The following SORCS2 variants were observed in gnomAD, a reference collection of about 807,000 sequenced individuals.
The protein encoded by SORCS2 is sortilin related VPS10 domain containing receptor 2.
A neutral mutation model predicts 141.6 loss-of-function variants in SORCS2; 100 were observed. The ratio of observed to expected loss-of-function variants is 0.71; its 90% confidence interval spans 0.60 to 0.83. SORCS2 has a LOEUF of 0.83. Among genes scored for constraint, SORCS2 ranks in the 40% least tolerant of loss-of-function variants. SORCS2 has a pLI of 0.00. For missense variants in SORCS2, 1,646 were observed against 1,560.2 expected (o/e 1.05, Z -0.93); for synonymous variants, 789 against 676.9 (o/e 1.17, Z -2.57).
At chr4:7,279,033 T>A (rs1303814214) in intron 1 of SORCS2, among the ~76,000 whole-genome samples, 1 of 152,084 alleles carries the variant, frequency 6.6e-6, no homozygotes, top group Non-Finnish European at 1.5e-5. Flanking sequence ...TGCAAACGAA[T>A]ACCCCACCCA....
At chr4:7,550,636 C>A (rs1437955905) in intron 3 of SORCS2, among the ~76,000 whole-genome samples, 1 of 152,200 alleles carries the variant, frequency 6.6e-6, no homozygotes, top group Non-Finnish European at 1.5e-5. Context: ...TACAAAGAAC[C>A]CAATGTCTGC....
At chr4:7,723,121 G>A (rs867897027) in intron 18 of SORCS2, among the ~76,000 whole-genome samples, 1 of 152,152 alleles carries the variant, frequency 6.6e-6, no homozygotes, top group Non-Finnish European at 1.5e-5. Flanking sequence ...TGCCACGCGG[G>A]GATGGCAGTT....
chr4:7,202,593 G>A (rs1361178970), intron 1 of SORCS2, among the ~76,000 whole-genome samples: 4 of 152,140 alleles, frequency 2.6e-5, no homozygotes, highest in Admixed American at 2.6e-4. Flanking sequence ...GACTCACACC[G>A]AGCACATTTC....
intron 1 of SORCS2, among the ~76,000 whole-genome samples, chr4:7,281,701 G>A (rs866387630): frequency 6.6e-6 from 1 of 152,196 alleles, no homozygotes; most frequent in Non-Finnish European, 1.5e-5. Context: ...TGGCAGCCTG[G>A]GGGCCGCAGG....
In SORCS2 at chr4:7,314,540, C is replaced by T. The variant is rs185298772; in HGVS notation, c.481-81748C>T. Among the ~76,000 whole-genome samples, 546 of 152,054 alleles carry T rather than the reference C, an allele frequency of 3.6e-3. 2 individuals carry two copies. The highest frequency in any genetic ancestry group is 0.013 in the African/African-American group (522 of 41,486). ...ATTTTTAGTGGAGATGGGGTTTCAC[C>T]GTGTTAGCCAGGATGTTCTCCATCT... On this transcript the variant is annotated intron_variant, in intron 1 of 26. Coordinates refer to ENST00000507866, the MANE Select transcript of SORCS2 (RefSeq NM_020777.3).
chr4:7,478,923 G>T (rs1202512053), intron 2 of SORCS2, among the ~76,000 whole-genome samples: 1 of 152,180 alleles, frequency 6.6e-6, no homozygotes. Context: ...AGCCTCCGTG[G>T]CCTGGTTTCT....
intron 3 of SORCS2, among the ~76,000 whole-genome samples, chr4:7,600,930 G>A (rs568984751): frequency 6.6e-6 from 1 of 152,270 alleles, no homozygotes; most frequent in African/African-American, 2.4e-5. Context: ...TAACAGCCCA[G>A]GCTGGTGGGC....
chr4:7,443,445 C>T (rs144706283), intron 2 of SORCS2, among the ~76,000 whole-genome samples: 2,179 of 152,284 alleles, frequency 0.014, 21 homozygotes, highest in Middle Eastern at 0.031. Flanking sequence ...AGCCTCAACC[C>T]CCTGAGATCA....
At chr4:7,723,173 G>A (rs1246930150) in intron 18 of SORCS2, among the ~76,000 whole-genome samples, 1 of 152,164 alleles carries the variant, frequency 6.6e-6, no homozygotes, top group Admixed American at 6.5e-5. Flanking sequence ...CCATCTCAGC[G>A]TCACTCCTGG....
rs533405717 is a variant in SORCS2 at position 7,518,811 on chromosome 4, C to G, written c.549-12719C>G. Among the ~76,000 whole-genome samples the G allele has an allele frequency of 1.4e-3, 214 of 152,316 alleles. 2 individuals are homozygous for G. Among genetic ancestry groups the G allele is most frequent in the African/African-American group, 5.0e-3 (209 of 41,566 alleles). On this transcript the variant is annotated intron_variant, in intron 2 of 26. Transcript: ENST00000507866. ...CCTGGCCATAAACTCAGCCTGCCCC[C>G]CCGGCCCCCCATCAAACGCAGCTTC...
rs1175611291 is a variant in SORCS2, at chr4:7,742,441, C to T, written c.*2177C>T. On this transcript the variant is annotated 3_prime_UTR_variant, in exon 27 of 27. Coordinates refer to ENST00000507866, the MANE Select transcript of SORCS2 (RefSeq NM_020777.3). ...ACTCTAGGTCGTTGGCCTTCCTTGACCACTCCATTTAATTCTCTCTGCTGT... is the reference window on the plus strand; with the variant it reads ...ACTCTAGGTCGTTGGCCTTCCTTGATCACTCCATTTAATTCTCTCTGCTGT... The T allele has an allele frequency of 6.6e-6, 1 of 152,286 alleles. No individual in the cohort carries two copies. Among genetic ancestry groups the T allele is most frequent in the Non-Finnish European group, 1.5e-5 (1 of 68,080 alleles). 9.4% of individuals were successfully genotyped at this position (152,286 alleles called of 1,614,324 possible).
In SORCS2 at chr4:7,741,270, A is replaced by C. The variant is rs1350913807; in HGVS notation, c.*1006A>C. On this transcript the variant is annotated 3_prime_UTR_variant, in exon 27 of 27. Transcript: ENST00000507866. ...CAGGGCTGGAAGGGCCATCAGCGTG[A>C]CCCTCATTTTCAAGAAGGGGAAACT... The C allele has an allele frequency of 3.5e-5, 14 of 398,746 alleles. No homozygotes were observed. The highest frequency in any genetic ancestry group is 5.7e-5 in the Non-Finnish European group (13 of 226,116). The allele number at this position is 398,746 out of a possible 1,614,324, so 24.7% of individuals were successfully genotyped here.
At chr4:7,483,959 A>G (rs1225624577) in intron 2 of SORCS2, among the ~76,000 whole-genome samples, 1 of 152,364 alleles carries the variant, frequency 6.6e-6, no homozygotes, top group East Asian at 1.9e-4. Context: ...CGAGTCTTTC[A>G]GAAAGTAGCC....
intron 3 of SORCS2, among the ~76,000 whole-genome samples, chr4:7,587,210 C>G (rs1303867469): frequency 6.6e-6 from 1 of 151,938 alleles, no homozygotes; most frequent in Non-Finnish European, 1.5e-5. Context: ...TGGTGCCAGT[C>G]TGGATTAGAA....
chr4:7,232,254 G>A (rs1343322886), intron 1 of SORCS2, among the ~76,000 whole-genome samples: 2 of 152,140 alleles, frequency 1.3e-5, no homozygotes, highest in Non-Finnish European at 2.9e-5. Context: ...GGGGAAAGCT[G>A]CCTGGTGGCC....
intron 2 of SORCS2, among the ~76,000 whole-genome samples, chr4:7,470,887 A>G (rs779781163): frequency 6.6e-6 from 1 of 152,182 alleles, no homozygotes; most frequent in Non-Finnish European, 1.5e-5. Flanking sequence ...CTCTGCAAAC[A>G]TCTCACGCTT....
intron 3 of SORCS2, among the ~76,000 whole-genome samples, chr4:7,561,955 C>G (rs1714621909): frequency 6.6e-6 from 1 of 152,166 alleles, no homozygotes; most frequent in African/African-American, 2.4e-5. Context: ...ACCTCTTAAT[C>G]CATGTATTCA....
At chr4:7,577,944 A>G (rs1365655184) in intron 3 of SORCS2, among the ~76,000 whole-genome samples, 1 of 151,940 alleles carries the variant, frequency 6.6e-6, no homozygotes, top group Admixed American at 6.5e-5. Flanking sequence ...TGGAGAAGTC[A>G]TATAGCATAC....
intron 3 of SORCS2, among the ~76,000 whole-genome samples, chr4:7,603,281 C>T (rs764990876): frequency 6.7e-6 from 1 of 149,120 alleles, no homozygotes; most frequent in Non-Finnish European, 1.5e-5. Context: ...CACCTTTTCT[C>T]CCTGTTCCTT....
Sources: gnomAD v4.1 joint callset for allele counts (sites outside exome capture counted in the v4.1 genomes callset) on GRCh38, gnomAD v4.1.1 for gene constraint, MANE v1.5 for transcripts, NCBI Gene and HGNC (gene_info 2026-07-23, HGNC 2026-07-21) for gene names.